Variants in DACH2 observed in about 807,000 individuals in gnomAD.
DACH2 encodes dachshund family transcription factor 2.
Under a neutral mutation model 35.8 loss-of-function variants are expected in DACH2, and 17 were observed. That is an observed-to-expected ratio of 0.48 (90% CI 0.33 to 0.71). The LOEUF (loss-of-function observed/expected upper bound fraction) is 0.71, where lower values mean the gene tolerates loss of function less well. Among genes scored for constraint, DACH2 ranks in the 30% least tolerant of loss-of-function variants. The pLI is 0.02. For missense variants in DACH2, 469 were observed against 472.7 expected (o/e 0.99, Z 0.07); for synonymous variants, 195 against 177.3 (o/e 1.10, Z -0.79).
chrX:86,497,888 G>A (rs2038195608), intron 2 of DACH2, among the ~76,000 whole-genome samples: 2 of 111,467 alleles, frequency 1.8e-5, no homozygotes, highest in South Asian at 7.6e-4. Context: ...CAGCTACTGG[G>A]GAGGCTGAGG....
intron 2 of DACH2, among the ~76,000 whole-genome samples, chrX:86,443,903 T>A (rs1380672740): frequency 8.1e-5 from 9 of 111,531 alleles, no homozygotes; most frequent in African/African-American, 2.9e-4. Context: ...ACTTTGCTAG[T>A]ATTTTATTGG....
chrX:86,816,785 G>A (rs546534110), intron 11 of DACH2, among the ~76,000 whole-genome samples: 52 of 112,062 alleles, frequency 4.6e-4, no homozygotes, highest in African/African-American at 1.6e-3. Flanking sequence ...TTTCCAGTGT[G>A]ATTCCAATGC....
intron 2 of DACH2, among the ~76,000 whole-genome samples, chrX:86,398,367 G>GTT (rs1437422829): frequency 8.9e-6 from 1 of 112,208 alleles, no homozygotes; most frequent in African/African-American, 3.2e-5. Context: ...TTTTTGAAGG[G>GTT]TTTTTTTGTG....
intron 2 of DACH2, among the ~76,000 whole-genome samples, chrX:86,394,908 T>A: frequency 8.9e-6 from 1 of 111,916 alleles, no homozygotes; most frequent in South Asian, 3.7e-4. Flanking sequence ...TTACTTTGAT[T>A]CATCAACTCA....
At chrX:86,426,957 A>T (rs2036903912) in intron 2 of DACH2, among the ~76,000 whole-genome samples, 1 of 112,506 alleles carries the variant, frequency 8.9e-6, no homozygotes, top group Admixed American at 9.4e-5. Context: ...TTCATTTAGA[A>T]AGTGCCTATC....
chrX:86,301,110 G>A (rs2034567270), intron 1 of DACH2, among the ~76,000 whole-genome samples: 1 of 111,861 alleles, frequency 8.9e-6, no homozygotes, highest in African/African-American at 3.2e-5. Context: ...CTTAAGAATG[G>A]TAAGAGGAAT....
intron 2 of DACH2, among the ~76,000 whole-genome samples, chrX:86,472,860 T>C (rs747744384): frequency 1.9e-4 from 21 of 112,019 alleles, no homozygotes; most frequent in Non-Finnish European, 3.6e-4. Flanking sequence ...AGCCTTAGCA[T>C]TGTTAACTGA....
chrX:86,441,686 A>G (rs893463707), intron 2 of DACH2, among the ~76,000 whole-genome samples: 2 of 109,940 alleles, frequency 1.8e-5, no homozygotes, highest in East Asian at 2.8e-4. Context: ...TGGATCATAT[A>G]GTAATTTTAT....
intron 1 of DACH2, among the ~76,000 whole-genome samples, chrX:86,294,956 G>C (rs1327048361): frequency 3.6e-5 from 4 of 111,236 alleles, no homozygotes; most frequent in African/African-American, 1.3e-4. Flanking sequence ...CACCCAGTTC[G>C]AGCTTCCTGG....
At chrX:86,185,927 A>G (rs959949103) in intron 1 of DACH2, among the ~76,000 whole-genome samples, 8 of 112,329 alleles carry the variant, frequency 7.1e-5, no homozygotes, top group African/African-American at 2.6e-4. Flanking sequence ...TCTATTGAGC[A>G]TCATTAATGC....
At chrX:86,600,082 G>A (rs2039770366) in intron 3 of DACH2, among the ~76,000 whole-genome samples, 1 of 111,927 alleles carries the variant, frequency 8.9e-6, no homozygotes, top group Non-Finnish European at 1.9e-5. Context: ...GGAAAAGAGG[G>A]AGGCCTGTGA....
At chrX:86,821,694 G>A (rs1210939968) in intron 11 of DACH2, among the ~76,000 whole-genome samples, 2 of 110,963 alleles carry the variant, frequency 1.8e-5, no homozygotes, top group African/African-American at 6.6e-5. Context: ...TTCAGGGCCT[G>A]GTTGTCAAGG....
chrX:86,650,813 T>A (rs1050741941), intron 3 of DACH2, among the ~76,000 whole-genome samples: 2 of 111,069 alleles, frequency 1.8e-5, no homozygotes, highest in Non-Finnish European at 3.8e-5. Flanking sequence ...TTCAAGTTAA[T>A]TTTGGTTTGT....
chrX:86,511,959 C>T (rs953528191), intron 2 of DACH2, among the ~76,000 whole-genome samples: 1 of 111,903 alleles, frequency 8.9e-6, no homozygotes, highest in African/African-American at 3.2e-5. Flanking sequence ...TTCTTGTGAT[C>T]AAAGAGACCA....
At chrX:86,659,259 G>A (rs1158140191) in intron 4 of DACH2, among the ~76,000 whole-genome samples, 2 of 110,626 alleles carry the variant, frequency 1.8e-5, no homozygotes, top group Non-Finnish European at 3.8e-5. Context: ...TGCTTAAAAA[G>A]TAAGCCAGAA....
chrX:86,291,628 G>T (rs1021778478), intron 1 of DACH2, among the ~76,000 whole-genome samples: 2 of 108,866 alleles, frequency 1.8e-5, no homozygotes, highest in African/African-American at 6.8e-5. Context: ...AGAGTGTTTA[G>T]CATGAAGGGT....
intron 7 of DACH2, among the ~76,000 whole-genome samples, chrX:86,772,253 C>A (rs1432276273): frequency 9.0e-6 from 1 of 111,528 alleles, no homozygotes; most frequent in Non-Finnish European, 1.9e-5. Flanking sequence ...CTTACCAAAA[C>A]CAACAAAGAA....
chrX:86,751,648 T>C (rs2041774135), intron 7 of DACH2, among the ~76,000 whole-genome samples: 1 of 110,383 alleles, frequency 9.1e-6, no homozygotes, highest in Admixed American at 9.7e-5. Context: ...GGACTCACAA[T>C]ATGTAAATAC....
chrX:86,309,453 C>G (rs779339659), intron 1 of DACH2, among the ~76,000 whole-genome samples: 2 of 106,430 alleles, frequency 1.9e-5, no homozygotes, highest in Non-Finnish European at 3.8e-5. Context: ...ACTGTCCTAC[C>G]ACAGGGGTAT....
Sources: gnomAD v4.1 joint callset for allele counts (sites outside exome capture counted in the v4.1 genomes callset) on GRCh38, gnomAD v4.1.1 for gene constraint, MANE v1.5 for transcripts, NCBI Gene and HGNC (gene_info 2026-07-23, HGNC 2026-07-21) for gene names.